Variants in IMMP2L observed in about 807,000 individuals in gnomAD.
IMMP2L encodes the protein mitochondrial inner membrane protease subunit 2.
IMMP2L carries 18 observed loss-of-function variants against 19.3 expected under a neutral mutation model. The observed-to-expected ratio is 0.93, with a 90% confidence interval of 0.64 to 1.38. The LOEUF is 1.38. IMMP2L is among the 40% of genes most tolerant of loss of function. The pLI is 0.00. For missense variants in IMMP2L, 233 were observed against 218.2 expected, an observed-to-expected ratio of 1.07 and a Z score of -0.43; for synonymous variants, 76 against 73.0, an observed-to-expected ratio of 1.04 and a Z score of -0.21.
intron 2 of IMMP2L, among the ~76,000 whole-genome samples, chr7:111,517,010 G>A (rs1845928720): frequency 6.6e-6 from 1 of 152,002 alleles, no homozygotes; most frequent in African/African-American, 2.4e-5. Context: ...AAATCACAAT[G>A]TATCTCTTTT....
intron 3 of IMMP2L, among the ~76,000 whole-genome samples, chr7:111,204,643 T>C (rs1810506813): frequency 6.6e-6 from 1 of 152,176 alleles, no homozygotes; most frequent in Non-Finnish European, 1.5e-5. Context: ...CTACCACCTA[T>C]ATACTTGAGG....
At chr7:111,425,875 T>G (rs904773188) in intron 3 of IMMP2L, among the ~76,000 whole-genome samples, 15 of 151,236 alleles carry the variant, frequency 9.9e-5, no homozygotes, top group African/African-American at 3.7e-4. Flanking sequence ...CTTGCTAAAT[T>G]AATCAAACAT....
intron 5 of IMMP2L, among the ~76,000 whole-genome samples, chr7:110,694,866 T>A (rs1793765568): frequency 6.6e-6 from 1 of 152,040 alleles, no homozygotes; most frequent in African/African-American, 2.4e-5. Context: ...TATCTATATA[T>A]GCAAAAGATT....
At chr7:110,815,421 A>G (rs1379268051) in intron 5 of IMMP2L, among the ~76,000 whole-genome samples, 1 of 152,046 alleles carries the variant, frequency 6.6e-6, no homozygotes, top group South Asian at 2.1e-4. Context: ...ATTGGTCTAA[A>G]ATTCTCTTTT....
chr7:111,257,483 T>C (rs751379993), intron 3 of IMMP2L, among the ~76,000 whole-genome samples: 1 of 152,154 alleles, frequency 6.6e-6, no homozygotes, highest in African/African-American at 2.4e-5. Flanking sequence ...ATTTGGCACA[T>C]AATAATTCAG....
At chr7:111,327,267 T>C (rs1285368894) in intron 3 of IMMP2L, among the ~76,000 whole-genome samples, 1 of 151,804 alleles carries the variant, frequency 6.6e-6, no homozygotes, top group Admixed American at 6.6e-5. Flanking sequence ...GTCCAACTGG[T>C]ATAAAGTTTC....
intron 3 of IMMP2L, among the ~76,000 whole-genome samples, chr7:110,983,818 G>C (rs1236129149): frequency 6.6e-6 from 1 of 151,886 alleles, no homozygotes; most frequent in Non-Finnish European, 1.5e-5. Context: ...TGGGAAAAAG[G>C]CTATTCCTCC....
In IMMP2L at chr7:110,902,761, A is replaced by G. The variant is rs1192694567; in HGVS notation, c.306-16066T>C. 4.7e-5 allele frequency among the ~76,000 whole-genome samples: 4 copies of G among 84,746 alleles called. 2 individuals carry two copies. The highest frequency in any genetic ancestry group is 8.3e-5 in the Non-Finnish European group (4 of 47,918). The allele number at this position is 84,746 out of a possible 152,430, so 55.6% of individuals were successfully genotyped here. ...AAAACGGTGAAACCCCGTCTCTACT[A>G]AAAATACAAAAAAAAAAAAAATTAG... On this transcript the variant is annotated intron_variant, in intron 4 of 5. Coordinates refer to ENST00000405709, the MANE Select transcript of IMMP2L (RefSeq NM_032549.4).
chr7:111,122,534 C>T (rs1471607678), intron 3 of IMMP2L: 24 of 486,084 alleles, frequency 4.9e-5, no homozygotes, highest in Non-Finnish European at 7.3e-5. Context: ...TCAAAAAGTA[C>T]ATCAATATTA....
intron 5 of IMMP2L, among the ~76,000 whole-genome samples, chr7:110,812,931 T>A (rs1802148782): frequency 6.6e-6 from 1 of 152,044 alleles, no homozygotes; most frequent in Non-Finnish European, 1.5e-5. Flanking sequence ...AAAATATACA[T>A]ACATTCACAC....
rs112835149 is a variant in IMMP2L, at chr7:111,101,544, T to TA, written c.240-137980dup. 8.3e-4 allele frequency among the ~76,000 whole-genome samples: 122 copies of TA among 147,220 alleles called. 1 individual carries two copies. The highest frequency in any genetic ancestry group is 3.6e-3 in the Middle Eastern group (1 of 278). ...TCTACCATTTTTGTTGTAGATTTAG[T>TA]AAAAAAAAAAATTACTTGAGACAAT... On this transcript the variant is annotated intron_variant, in intron 3 of 5. Transcript: ENST00000405709.
At chr7:111,507,346 G>C (rs559321212) in intron 2 of IMMP2L, among the ~76,000 whole-genome samples, 1 of 152,086 alleles carries the variant, frequency 6.6e-6, no homozygotes, top group South Asian at 2.1e-4. Flanking sequence ...AAAGCTATAC[G>C]AAGCCAGCTG....
At chr7:111,080,583 T>G (rs1230618084) in intron 3 of IMMP2L, among the ~76,000 whole-genome samples, 1 of 152,088 alleles carries the variant, frequency 6.6e-6, no homozygotes, top group Non-Finnish European at 1.5e-5. Flanking sequence ...TATAAGTGAT[T>G]GAAAGGACAT....
chr7:111,195,179 A>C (rs1809336281), intron 3 of IMMP2L, among the ~76,000 whole-genome samples: 1 of 152,136 alleles, frequency 6.6e-6, no homozygotes, highest in Non-Finnish European at 1.5e-5. Flanking sequence ...AATTACAAAG[A>C]TTTTAAGTTT....
chr7:110,999,366 A>T (rs1585670012), intron 3 of IMMP2L, among the ~76,000 whole-genome samples: 5 of 69,462 alleles, frequency 7.2e-5, no homozygotes, highest in South Asian at 3.6e-4. Flanking sequence ...TACCTCTTTT[A>T]TTGGCATCTA....
chr7:111,028,301 C>A (rs1280971566), intron 3 of IMMP2L, among the ~76,000 whole-genome samples: 1 of 152,068 alleles, frequency 6.6e-6, no homozygotes, highest in Non-Finnish European at 1.5e-5. Flanking sequence ...CACACTCATA[C>A]TGAGCACAGG....
intron 1 of IMMP2L, among the ~76,000 whole-genome samples, chr7:111,553,571 T>C (rs1054145063): frequency 7.2e-5 from 11 of 151,964 alleles, no homozygotes; most frequent in African/African-American, 2.7e-4. Flanking sequence ...ACTAAAATAT[T>C]ACTGACACTG....
chr7:111,499,276 C>T (rs754232501), intron 2 of IMMP2L, among the ~76,000 whole-genome samples: 2 of 152,146 alleles, frequency 1.3e-5, no homozygotes, highest in African/African-American at 4.8e-5. Flanking sequence ...GAGCTCAGTA[C>T]CGAGGAGCAT....
intron 3 of IMMP2L, among the ~76,000 whole-genome samples, chr7:111,422,952 C>T (rs957098308): frequency 6.6e-6 from 1 of 151,702 alleles, no homozygotes; most frequent in African/African-American, 2.4e-5. Flanking sequence ...TGTCAAAGGC[C>T]TTTTCTGCAT....
Sources: allele counts gnomAD v4.1 joint callset (sites outside exome capture counted in the v4.1 genomes callset), GRCh38; gene constraint gnomAD v4.1.1; transcripts MANE v1.5; gene names NCBI Gene and HGNC (gene_info 2026-07-23, HGNC 2026-07-21).